The following MICAL2 variants were observed in gnomAD, a reference collection of about 807,000 sequenced individuals.
MICAL2 encodes the protein [F-actin]-monooxygenase MICAL2.
A neutral mutation model predicts 127.3 loss-of-function variants in MICAL2; 77 were observed. The observed-to-expected ratio is 0.60, with a 90% CI of 0.50 to 0.73. MICAL2 has a LOEUF of 0.73. MICAL2 is among the 30% of genes least tolerant of loss of function. The pLI is 0.00. For synonymous variants in MICAL2, 570 were observed against 551.1 expected (o/e 1.03, Z -0.48); for missense variants, 1,351 against 1,434.4 (o/e 0.94, Z 0.94).
chr11:12,192,516 G>A (rs1002771159), intron 3 of MICAL2, among the ~76,000 whole-genome samples: 2 of 152,232 alleles, frequency 1.3e-5, no homozygotes. Flanking sequence ...GCTCACGCCT[G>A]TAATCTCAAC....
chr11:12,354,011 G>A (rs1480728935), intron 33 of MICAL2, among the ~76,000 whole-genome samples: 3 of 152,142 alleles, frequency 2.0e-5, no homozygotes, highest in Non-Finnish European at 4.4e-5. Context: ...TTTCTTCACT[G>A]TTCTCCTCAC....
chr11:12,230,277 T>G (rs1278503556), intron 15 of MICAL2, among the ~76,000 whole-genome samples: 1 of 152,232 alleles, frequency 6.6e-6, no homozygotes, highest in Admixed American at 6.5e-5. Context: ...GGTCTGGTCC[T>G]GCACAGCCAC....
At chr11:12,281,332 C>T (rs951719407) in intron 2 of MICAL2, among the ~76,000 whole-genome samples, 5 of 152,306 alleles carry the variant, frequency 3.3e-5, no homozygotes, top group Admixed American at 1.3e-4. Flanking sequence ...GAAGACATCA[C>T]GGGGACTGGC....
At chr11:12,183,053 T>A (rs1196332186) in intron 3 of MICAL2, among the ~76,000 whole-genome samples, 1 of 152,178 alleles carries the variant, frequency 6.6e-6, no homozygotes, top group African/African-American at 2.4e-5. Context: ...CAGCCTATTG[T>A]TGTCTTGGTG....
At chr11:12,234,211 AACAGTCCCAC>A (rs1565215675) in intron 15 of MICAL2, among the ~76,000 whole-genome samples, 1 of 152,146 alleles carries the variant, frequency 6.6e-6, no homozygotes, top group Non-Finnish European at 1.5e-5. Context: ...GCTCCCGTGG[AACAGTCCCAC>A]CCTGGGCTTG....
intron 32 of MICAL2, among the ~76,000 whole-genome samples, chr11:12,337,862 C>A (rs1366489377): frequency 1.3e-5 from 2 of 152,100 alleles, no homozygotes; most frequent in Non-Finnish European, 2.9e-5. Context: ...CTGAGGAGAG[C>A]TTTACTTCCA....
chr11:12,170,768 C>T (rs1429427516), intron 3 of MICAL2, among the ~76,000 whole-genome samples: 1 of 152,198 alleles, frequency 6.6e-6, no homozygotes, highest in Non-Finnish European at 1.5e-5. Flanking sequence ...CAGTGGGCTC[C>T]TAGATTCTCT....
intron 18 of MICAL2, among the ~76,000 whole-genome samples, chr11:12,241,952 C>T (rs1246011024): frequency 1.3e-5 from 2 of 151,964 alleles, no homozygotes; most frequent in Admixed American, 1.3e-4. Context: ...TGTCAGTATG[C>T]AGCTAGGATT....
intron 3 of MICAL2, among the ~76,000 whole-genome samples, chr11:12,199,148 A>G (rs1860330360): frequency 6.6e-6 from 1 of 152,220 alleles, no homozygotes; most frequent in East Asian, 1.9e-4. Context: ...TTTACTCAAA[A>G]AGAGAGTTAA....
chr11:12,193,385 G>A (rs558871299), intron 3 of MICAL2, among the ~76,000 whole-genome samples: 1 of 152,298 alleles, frequency 6.6e-6, no homozygotes, highest in African/African-American at 2.4e-5. Flanking sequence ...AATAGGAATT[G>A]GTGAAATTGA....
downstream of MICAL2, chr11:12,287,423 C>T (rs1863839129): frequency 6.4e-6 from 2 of 312,824 alleles, no homozygotes; most frequent in Non-Finnish European, 1.2e-5. Flanking sequence ...TAGGATTCTA[C>T]AGTTTCACCC....
downstream of MICAL2, among the ~76,000 whole-genome samples, chr11:12,289,555 TG>T (rs200358996): frequency 0.51 from 62,073 of 122,654 alleles, 16,441 homozygotes; most frequent in Non-Finnish European, 0.62. Flanking sequence ...GGGCACCTCT[TG>T]TTTTTTTTTG....
intron 22 of MICAL2, among the ~76,000 whole-genome samples, chr11:12,251,855 C>T (rs145940357): frequency 1.2e-3 from 182 of 152,282 alleles, no homozygotes; most frequent in African/African-American, 3.5e-3. Flanking sequence ...CTCAGAAGCT[C>T]AGTGCACAAA....
intron 3 of MICAL2, among the ~76,000 whole-genome samples, chr11:12,174,322 CTG>C (rs1301694900): frequency 1.3e-5 from 2 of 151,892 alleles, no homozygotes; most frequent in Admixed American, 1.3e-4. Context: ...AAATGAAACT[CTG>C]TACCCATAAT....
chr11:12,268,696 A>G (rs1246476363), downstream of MICAL2, among the ~76,000 whole-genome samples: 2 of 152,184 alleles, frequency 1.3e-5, no homozygotes. Context: ...CCCTCAGATA[A>G]AGAGGCCAAC....
At chr11:12,344,139 C>G (rs1430487768) in intron 32 of MICAL2, among the ~76,000 whole-genome samples, 4 of 151,798 alleles carry the variant, frequency 2.6e-5, no homozygotes, top group African/African-American at 9.7e-5. Context: ...CTACTAAAAA[C>G]ACAAAAATTA....
In MICAL2 at chr11:12,129,636, C is replaced by CTTTTTTTTT. The variant is rs559528778; in HGVS notation, c.-148-8743_-148-8735dup. 9.1e-3 allele frequency among the ~76,000 whole-genome samples: 890 copies of CTTTTTTTTT among 97,326 alleles called. 38 individuals are homozygous for CTTTTTTTTT. Among genetic ancestry groups the CTTTTTTTTT allele is most frequent in the African/African-American group, 0.038 (820 of 21,682 alleles). The allele number at this position is 97,326 out of a possible 152,430, so 63.8% of individuals were successfully genotyped here. A position where few individuals can be genotyped will look rare whatever the true frequency, so the allele number is the denominator to read the frequency against. The stretch of plus-strand genomic sequence containing the variant: ...TTCTACTCTGTTTCTTCTTCTTCTT[C>CTTTTTTTTT]TTTTTTTTTTTTTTTTTTTGGTGGT... On this transcript the variant is annotated intron_variant, in intron 1 of 27. Transcript: ENST00000683283.
intron 29 of MICAL2, among the ~76,000 whole-genome samples, chr11:12,306,449 C>G (rs1026926457): frequency 6.6e-6 from 1 of 152,140 alleles, no homozygotes. Context: ...CTACCAAACT[C>G]TAATTTTTTA....
intron 3 of MICAL2, among the ~76,000 whole-genome samples, chr11:12,166,135 C>T (rs1321677907): frequency 6.6e-6 from 1 of 152,128 alleles, no homozygotes; most frequent in Non-Finnish European, 1.5e-5. Context: ...ATGCTATAAT[C>T]ACAAAATTTT....
Sources: allele counts gnomAD v4.1 joint callset (sites outside exome capture counted in the v4.1 genomes callset), GRCh38; gene constraint gnomAD v4.1.1; transcripts MANE v1.5; gene names NCBI Gene and HGNC (gene_info 2026-07-23, HGNC 2026-07-21).